Variants in KIF22 observed in about 807,000 individuals in gnomAD.
The protein encoded by KIF22 is kinesin family member 22.
A neutral mutation model predicts 73.0 loss-of-function variants in KIF22; 62 were observed. The ratio of observed to expected loss-of-function variants is 0.85; its 90% CI spans 0.69 to 1.05. The LOEUF is 1.05. KIF22 is among the 50% of genes least tolerant of loss of function. The pLI is 0.00. For missense variants in KIF22, 854 were observed against 870.1 expected (o/e 0.98, Z 0.23); for synonymous variants, 411 against 340.1 (o/e 1.21, Z -2.29).
intron 8 of KIF22, 54 bp from the exon 9 acceptor site, chr16:29,802,715 G>C (rs571968439): frequency 6.7e-7 from 1 of 1,487,746 alleles, no homozygotes; most frequent in African/African-American, 1.4e-5. Context: ...TCCTGCTGCT[G>C]TAGGTGGTGA....
At chr16:29,794,376 C>G (rs1898897628) in intron 1 of KIF22, among the ~76,000 whole-genome samples, 1 of 152,170 alleles carries the variant, frequency 6.6e-6, no homozygotes, top group South Asian at 2.1e-4. Flanking sequence ...AATTACTCTC[C>G]TAACAACCTA....
intron 1 of KIF22, chr16:29,792,493 G>C: frequency 1.4e-6 from 1 of 729,198 alleles, no homozygotes; most frequent in South Asian, 6.1e-5. Context: ...CCTACTCTGC[G>C]CCAGGTGTTG....
intron 11 of KIF22, 178 bp from the exon 12 acceptor site, chr16:29,804,636 T>A (rs993258097): frequency 1.4e-6 from 1 of 701,508 alleles, no homozygotes; most frequent in Non-Finnish European, 2.6e-6. Context: ...TCTCTTTCAC[T>A]AGTTGCATAA....
At chr16:29,803,685 T>C in intron 10 of KIF22, 77 bp downstream of exon 10, 1 of 1,192,252 alleles carries the variant, frequency 8.4e-7, no homozygotes, top group Non-Finnish European at 1.2e-6. Context: ...AGCAGCTGTC[T>C]CCATGTCATT....
Position 29,804,000 on chromosome 16 carries a change from C to CAGG in KIF22, c.1615_1617dup (p.Glu539dup). The CAGG allele has an allele frequency of 6.2e-7, 1 of 1,613,130 alleles. No individual in the cohort carries two copies. The highest frequency in any genetic ancestry group is 8.5e-7 in the Non-Finnish European group (1 of 1,179,210). ...CAATTCTCGATTCCTACTTTCAGTT[C>CAGG]AGGAGCAGGCAGCATCCCCAAATGC... is the stretch of plus-strand genomic sequence containing the variant. On this transcript the variant is annotated inframe_insertion, in exon 11 of 14. Transcript: ENST00000160827.
Position 29,804,876 on chromosome 16 carries a change from C to T in KIF22, c.1740C>T (p.Ile580=), listed in dbSNP as rs1434924288. 3 of 1,613,810 alleles carry T rather than the reference C, an allele frequency of 1.9e-6. No individual in the cohort carries two copies. The Admixed American group carries it at 5.0e-5, about 27-fold the overall frequency. Reference sequence around the variant, plus strand: ...CTGAGGACTGCTGGGAGCTACAGATCAGCCCGGAGCTACTGGCTCATGGGC... The same window carrying T: ...CTGAGGACTGCTGGGAGCTACAGATTAGCCCGGAGCTACTGGCTCATGGGC... The part of the protein sequence containing the change: ...EKAEDCWELQ[I]SPELLAHGRQ... Residue 580 remains isoleucine, a synonymous_variant, in exon 12 of 14, where the codon ATC becomes ATT. Transcript: ENST00000160827.
chr16:29,796,447 G>T (rs1485244576), intron 1 of KIF22, among the ~76,000 whole-genome samples: 3 of 151,172 alleles, frequency 2.0e-5, no homozygotes. Context: ...GGTGGCTCCT[G>T]CCTATAATTC....
chr16:29,804,005 G>A lies in KIF22; in HGVS notation c.1617G>A (p.Glu539=). The change falls in exon 11 of 14, where the codon GAG becomes GAA. Residue 539 remains glutamate, a synonymous_variant. Coordinates refer to ENST00000160827, the MANE Select transcript of KIF22 (RefSeq NM_007317.3). ...CTCGATTCCTACTTTCAGTTCAGGA[G>A]CAGGCAGCATCCCCAAATGCCGAGA... is the stretch of plus-strand genomic sequence containing the variant. ...AVVMPLQLIQ[E]QAASPNAEIH... is the part of the protein sequence containing the mutation. 1 of 1,607,516 alleles carries A rather than the reference G, an allele frequency of 6.2e-7. No homozygotes were observed. Among genetic ancestry groups the A allele is most frequent in the Non-Finnish European group, 8.5e-7 (1 of 1,177,160 alleles).
In KIF22 at chr16:29,798,352, A is replaced by C; in HGVS notation, c.267-22A>C. The C allele has an allele frequency of 6.7e-7, 1 of 1,501,052 alleles. No homozygotes were observed. The highest frequency in any genetic ancestry group is 8.9e-7 in the Non-Finnish European group (1 of 1,120,088). The allele number at this position is 1,501,052 out of a possible 1,614,324, so 93.0% of individuals were successfully genotyped here. ...CACACACACACACACACACACGCTA[A>C]TTTCTTTCTTTCTTCCTGCAGGTTT... On this transcript the variant is annotated intron_variant, in intron 2 of 13. Transcript: ENST00000160827. This position sits in a 1 kb window ranked among gnomAD's most constrained non-coding sequence, Gnocchi z 4.1.
At chr16:29,800,765 C>CAATA (rs1334220608) in intron 8 of KIF22, among the ~76,000 whole-genome samples, 1 of 152,172 alleles carries the variant, frequency 6.6e-6, no homozygotes, top group African/African-American at 2.4e-5. Flanking sequence ...GACTGCATCT[C>CAATA]AATAAATAAA....
chr16:29,800,669 G>T (rs2142375573), intron 8 of KIF22, among the ~76,000 whole-genome samples: 2 of 152,308 alleles, frequency 1.3e-5, no homozygotes, highest in Admixed American at 1.3e-4. Flanking sequence ...GGAGGCTGAG[G>T]CAGGAAGAAT....
In KIF22 at chr16:29,799,315, T is replaced by A; in HGVS notation, c.811T>A (p.Tyr271Asn). 1 of 1,614,186 alleles carries A rather than the reference T, an allele frequency of 6.2e-7. No homozygotes were observed. Among genetic ancestry groups the A allele is most frequent in the Non-Finnish European group, 8.5e-7 (1 of 1,180,020 alleles). ...APFRQREGKL[Y>N]LIDLAGSEDN... is the part of the protein sequence containing the mutation. ...ATTTCGCCAGCGAGAGGGAAAACTC[T>A]ACCTGATTGACTTGGCTGGGTCAGA... is the stretch of plus-strand genomic sequence containing the variant. The change falls in exon 6 of 14, where the codon TAC becomes AAC. Residue 271 changes from tyrosine (Y) to asparagine (N), a missense_variant. Around this residue, in one of 3 missense-constraint regions of KIF22, gnomAD observed 245 missense variants for 351.8 expected, o/e 0.70. Coordinates refer to ENST00000160827, the MANE Select transcript of KIF22 (RefSeq NM_007317.3).
chr16:29,796,122 C>A (rs1898942272), intron 1 of KIF22, among the ~76,000 whole-genome samples: 1 of 151,958 alleles, frequency 6.6e-6, no homozygotes, highest in African/African-American at 2.4e-5. Context: ...GATACAAAAA[C>A]TAGCCAGGAG....
At position 29,803,466 on chromosome 16, in the gene KIF22, A is replaced by G; in HGVS notation, c.1467A>G (p.Gln489=). The change falls in exon 10 of 14, where the codon CAA becomes CAG. Residue 489 remains glutamine (Q), a synonymous_variant. Coordinates refer to ENST00000160827, the MANE Select transcript of KIF22 (RefSeq NM_007317.3). ...TCCAACAGAGGCTTAAGACGAAGCA[A>G]AAAGAACTGGAGGCCAAGATGTTGG... ...DLEIERLKTK[Q]KELEAKMLAQ... 1 of 1,614,180 alleles carries G rather than the reference A, an allele frequency of 6.2e-7. No homozygotes were observed.
intron 1 of KIF22, among the ~76,000 whole-genome samples, chr16:29,794,933 A>G (rs1174447545): frequency 6.6e-6 from 1 of 152,156 alleles, no homozygotes; most frequent in Non-Finnish European, 1.5e-5. Flanking sequence ...AAGGAAACCA[A>G]GGTCCAAGGT....
At chr16:29,804,784 G>A in intron 11 of KIF22, 30 bp from the exon 12 acceptor site, 1 of 1,556,572 alleles carries the variant, frequency 6.4e-7, no homozygotes, top group Non-Finnish European at 8.7e-7. Flanking sequence ...TGGCTGCCCT[G>A]CGTGTCACTC....
At position 29,798,418 on chromosome 16, in the gene KIF22, A is replaced by G. The variant is rs1322686551; in HGVS notation, c.311A>G (p.Tyr104Cys). ...GAGAGGAGTACTCAGCAGGACATCT[A>G]TGCAGGTTCAGTGCAGCCCATCCTA... ...YGERSTQQDIYAGSVQPILRH... is the reference protein window; with the variant it reads ...YGERSTQQDICAGSVQPILRH... The change falls in exon 3 of 14, where the codon TAT becomes TGT. Residue 104 changes from tyrosine (Y) to cysteine (C), a missense_variant. Around this residue, in one of 3 missense-constraint regions of KIF22, gnomAD observed 186 missense variants for 152.9 expected, o/e 1.22. Transcript: ENST00000160827. This position sits in a 1 kb window ranked among gnomAD's most constrained non-coding sequence, Gnocchi z 4.1. The G allele has an allele frequency of 1.2e-6, 2 of 1,613,472 alleles. No individual in the cohort carries two copies. Among genetic ancestry groups the G allele is most frequent in the African/African-American group, 1.3e-5 (1 of 74,778 alleles).
intron 1 of KIF22, among the ~76,000 whole-genome samples, chr16:29,795,238 G>C (rs999150396): frequency 6.6e-6 from 1 of 152,194 alleles, no homozygotes; most frequent in African/African-American, 2.4e-5. Context: ...AGGAACAAAT[G>C]AGAACTAGAT....
chr16:29,803,996 A>C lies in KIF22; in HGVS notation c.1610-2A>C. On this transcript the variant is annotated splice_acceptor_variant, in intron 10 of 13. Transcript: ENST00000160827. LOFTEE classifies it high-confidence loss of function. ...ACTCCAATTCTCGATTCCTACTTTC[A>C]GTTCAGGAGCAGGCAGCATCCCCAA... 3.7e-6 allele frequency: 6 copies of C among 1,612,920 alleles called. No homozygotes were observed. The highest frequency in any genetic ancestry group is 5.1e-6 in the Non-Finnish European group (6 of 1,178,894).
Sources: gnomAD v4.1 joint callset for allele counts (sites outside exome capture counted in the v4.1 genomes callset) on GRCh38, gnomAD v4.1.1 for gene constraint, gnomAD v4.1.1 regional missense constraint, Gnocchi (gnomAD v3.1) non-coding constraint, MANE v1.5 for transcripts, NCBI Gene and HGNC (gene_info 2026-07-23, HGNC 2026-07-21) for gene names.